Variants in MDGA2 observed in about 807,000 individuals in gnomAD.
MDGA2 encodes MAM domain containing glycosylphosphatidylinositol anchor 2.
MDGA2 carries 40 observed loss-of-function variants against 117.8 expected under a neutral mutation model. The observed-to-expected ratio is 0.34, with a 90% CI of 0.26 to 0.44. The LOEUF (loss-of-function observed/expected upper bound fraction) is 0.44. Ranked by LOEUF, MDGA2 falls within the 20% of genes least tolerant of loss-of-function variation. The pLI, the probability that MDGA2 is intolerant of heterozygous loss-of-function variation, is 1.00. For synonymous variants in MDGA2, 452 were observed against 439.0 expected, an observed-to-expected ratio of 1.03 and a Z score of -0.37; for missense variants, 1,123 against 1,250.6, an observed-to-expected ratio of 0.90 and a Z score of 1.54.
At chr14:46,885,072 T>C (rs1171415071) in intron 10 of MDGA2, among the ~76,000 whole-genome samples, 1 of 151,960 alleles carries the variant, frequency 6.6e-6, no homozygotes, top group South Asian at 2.1e-4. Flanking sequence ...GGTCTCAAAC[T>C]CTTGACCTCA....
At chr14:46,902,059 CA>C (rs1320132957) in intron 10 of MDGA2, among the ~76,000 whole-genome samples, 1 of 152,154 alleles carries the variant, frequency 6.6e-6, no homozygotes, top group Non-Finnish European at 1.5e-5. Context: ...GATATAAAAC[CA>C]TGACTTATTA....
chr14:47,665,160 TTATC>T (rs143875734), intron 1 of MDGA2, among the ~76,000 whole-genome samples: 8,012 of 152,170 alleles, frequency 0.053, 209 homozygotes, highest in Middle Eastern at 0.075. Context: ...TCTTCCTTCT[TTATC>T]TATATTATGC....
At chr14:47,649,059 A>T (rs1451008558) in intron 1 of MDGA2, among the ~76,000 whole-genome samples, 1 of 152,168 alleles carries the variant, frequency 6.6e-6, no homozygotes, top group African/African-American at 2.4e-5. Context: ...ACATTTTTAA[A>T]TGTCTAAAAT....
At chr14:46,938,335 T>C (rs561917601) in intron 9 of MDGA2, among the ~76,000 whole-genome samples, 2 of 151,564 alleles carry the variant, frequency 1.3e-5, no homozygotes, top group Admixed American at 1.3e-4. Context: ...GGTCAGGAGT[T>C]CAAGACCAGC....
At position 47,659,690 on chromosome 14, in the gene MDGA2, G is replaced by A. The variant is rs577070198; in HGVS notation, c.280+14827C>T. On this transcript the variant is annotated intron_variant, in intron 1 of 16. Coordinates refer to ENST00000399232, the MANE Select transcript of MDGA2 (RefSeq NM_001113498.3). Reference sequence around the variant, plus strand: ...TCCACTCTCACTCAAAATAGAGCATGCATCTAATATATCACAAAATGCAAA... The same window carrying A: ...TCCACTCTCACTCAAAATAGAGCATACATCTAATATATCACAAAATGCAAA... Among the ~76,000 whole-genome samples the A allele has an allele frequency of 3.9e-4, 60 of 152,248 alleles. No homozygotes were observed. In the Middle Eastern group the frequency reaches 0.01, roughly 26 times the overall value.
rs1021886625 is a variant in MDGA2, at chr14:47,619,151, AGATAC to A, written c.280+55361_280+55365del. On this transcript the variant is annotated intron_variant, in intron 1 of 16. Coordinates refer to ENST00000399232, the MANE Select transcript of MDGA2 (RefSeq NM_001113498.3). The stretch of plus-strand genomic sequence containing the variant: ...CACACACACACACACACACACACAC[AGATAC>A]ATTATCTACAAAACTGCTAATATGA... Among the ~76,000 whole-genome samples, 265 of 125,102 alleles carry A rather than the reference AGATAC, an allele frequency of 2.1e-3. 1 individual carries two copies. Among genetic ancestry groups the A allele is most frequent in the African/African-American group, 8.4e-3 (256 of 30,506 alleles). 82.1% of individuals were successfully genotyped at this position (125,102 alleles called of 152,430 possible).
At chr14:46,950,845 A>G (rs1885346715) in intron 9 of MDGA2, among the ~76,000 whole-genome samples, 1 of 151,674 alleles carries the variant, frequency 6.6e-6, no homozygotes, top group Non-Finnish European at 1.5e-5. Flanking sequence ...ACTAAAATAT[A>G]TTTTCTATCT....
intron 1 of MDGA2, among the ~76,000 whole-genome samples, chr14:47,615,927 T>C (rs1243413248): frequency 2.6e-5 from 4 of 151,946 alleles, no homozygotes; most frequent in African/African-American, 9.7e-5. Flanking sequence ...TTCAATGGGG[T>C]CTTTGGCACT....
intron 1 of MDGA2, among the ~76,000 whole-genome samples, chr14:47,505,754 A>G (rs1200452293): frequency 6.6e-6 from 1 of 152,178 alleles, no homozygotes; most frequent in Admixed American, 6.5e-5. Flanking sequence ...TGAAATCCAG[A>G]GTTAATTTAT....
At chr14:47,031,454 T>G (rs974508602) in intron 8 of MDGA2, among the ~76,000 whole-genome samples, 3 of 152,322 alleles carry the variant, frequency 2.0e-5, no homozygotes, top group Non-Finnish European at 4.4e-5. Flanking sequence ...AAGATGAAAT[T>G]ATACATAAAT....
intron 10 of MDGA2, among the ~76,000 whole-genome samples, chr14:46,909,421 T>A (rs1476770832): frequency 6.6e-6 from 1 of 152,156 alleles, no homozygotes; most frequent in Non-Finnish European, 1.5e-5. Context: ...GTCAAGGGGC[T>A]GCTTGGGTGA....
chr14:47,358,819 A>T (rs1891050414), intron 1 of MDGA2, among the ~76,000 whole-genome samples: 1 of 152,198 alleles, frequency 6.6e-6, no homozygotes, highest in South Asian at 2.1e-4. Context: ...GAGAAGACAC[A>T]AATATGTGGG....
chr14:47,207,232 G>C (rs1252825357), intron 3 of MDGA2, among the ~76,000 whole-genome samples: 1 of 151,934 alleles, frequency 6.6e-6, no homozygotes, highest in African/African-American at 2.4e-5. Flanking sequence ...ATGGGGAGCA[G>C]GGAGGTGAGG....
intron 1 of MDGA2, among the ~76,000 whole-genome samples, chr14:47,670,252 C>A (rs1462130279): frequency 6.6e-6 from 1 of 152,178 alleles, no homozygotes; most frequent in Admixed American, 6.5e-5. Flanking sequence ...TTCAGGACAC[C>A]AAATCACCGT....
intron 1 of MDGA2, among the ~76,000 whole-genome samples, chr14:47,441,463 G>A (rs951038951): frequency 2.0e-5 from 3 of 152,070 alleles, no homozygotes; most frequent in Non-Finnish European, 4.4e-5. Flanking sequence ...AATAAGTGAC[G>A]GAAGTAAAGC....
intron 10 of MDGA2, among the ~76,000 whole-genome samples, chr14:46,883,348 T>C (rs1429467097): frequency 6.6e-6 from 1 of 151,952 alleles, no homozygotes; most frequent in Non-Finnish European, 1.5e-5. Context: ...AGAAAAAACA[T>C]ATTTCTACTA....
At chr14:46,891,239 G>A (rs1363833583) in intron 10 of MDGA2, among the ~76,000 whole-genome samples, 1 of 151,674 alleles carries the variant, frequency 6.6e-6, no homozygotes, top group East Asian at 1.9e-4. Flanking sequence ...ACTTTAAATT[G>A]TTTCTATATT....
At chr14:47,458,868 A>G (rs903777220) in intron 1 of MDGA2, among the ~76,000 whole-genome samples, 1 of 151,186 alleles carries the variant, frequency 6.6e-6, no homozygotes, top group African/African-American at 2.4e-5. Flanking sequence ...GAAAGAATAT[A>G]CCACTTCATG....
intron 2 of MDGA2, among the ~76,000 whole-genome samples, chr14:47,252,408 C>G (rs1283658153): frequency 6.6e-6 from 1 of 151,826 alleles, no homozygotes; most frequent in African/African-American, 2.4e-5. Flanking sequence ...AGTCCCTTCT[C>G]AAAAAGAACA....
Sources: gnomAD v4.1 joint callset for allele counts (sites outside exome capture counted in the v4.1 genomes callset) on GRCh38, gnomAD v4.1.1 for gene constraint, MANE v1.5 for transcripts, NCBI Gene and HGNC (gene_info 2026-07-23, HGNC 2026-07-21) for gene names.